Variants in ADCY8 observed in about 807,000 individuals in gnomAD.
ADCY8 encodes the protein adenylate cyclase type 8.
Under a neutral mutation model 119.7 loss-of-function variants are expected in ADCY8, and 51 were observed. That is an observed-to-expected ratio of 0.43 (90% CI 0.34 to 0.54). The LOEUF is 0.54. Ranked by LOEUF, ADCY8 falls within the 20% of genes least tolerant of loss-of-function variation. The pLI, the probability that ADCY8 is intolerant of heterozygous loss-of-function variation, is 0.03. For missense variants in ADCY8, 1,383 were observed against 1,598.8 expected (o/e 0.87, Z 2.30); for synonymous variants, 665 against 651.0 (o/e 1.02, Z -0.33).
At chr8:130,802,898 C>A (rs947063662) in intron 14 of ADCY8, among the ~76,000 whole-genome samples, 1 of 152,232 alleles carries the variant, frequency 6.6e-6, no homozygotes, top group Non-Finnish European at 1.5e-5. Context: ...CCGGCTCCCT[C>A]GCCCCTTGGG....
intron 14 of ADCY8, among the ~76,000 whole-genome samples, chr8:130,810,347 TAC>T (rs58781726): frequency 0.081 from 11,509 of 142,610 alleles, 526 homozygotes; most frequent in Non-Finnish European, 0.1. Flanking sequence ...TCTCTTTTTC[TAC>T]ACACACACAC....
intron 12 of ADCY8, among the ~76,000 whole-genome samples, chr8:130,823,353 G>A (rs887696020): frequency 6.6e-6 from 1 of 152,190 alleles, no homozygotes; most frequent in Non-Finnish European, 1.5e-5. Flanking sequence ...CATCAGAACT[G>A]TGGTTTGAAA....
At chr8:130,819,915 C>T (rs1816455775) in intron 13 of ADCY8, among the ~76,000 whole-genome samples, 1 of 152,338 alleles carries the variant, frequency 6.6e-6, no homozygotes, top group South Asian at 2.1e-4. Flanking sequence ...CGTATGCAGA[C>T]AGCATCTTTG....
chr8:130,789,996 C>A (rs1030791236), intron 15 of ADCY8, among the ~76,000 whole-genome samples: 4 of 152,118 alleles, frequency 2.6e-5, no homozygotes, highest in Non-Finnish European at 4.4e-5. Context: ...ATAGTCAAGT[C>A]ATTCATTCAT....
chr8:130,817,190 C>T (rs1323702960), intron 13 of ADCY8, among the ~76,000 whole-genome samples: 1 of 152,126 alleles, frequency 6.6e-6, no homozygotes, highest in East Asian at 1.9e-4. Flanking sequence ...GTGTTGGTGT[C>T]ATTAAAACTG....
chr8:130,833,193 G>A (rs1047265887), intron 12 of ADCY8, among the ~76,000 whole-genome samples: 10 of 152,100 alleles, frequency 6.6e-5, no homozygotes, highest in African/African-American at 1.4e-4. Context: ...ATTTAAAAGC[G>A]GTGCACACAG....
chr8:131,036,553 G>A (rs1824161862), intron 1 of ADCY8, among the ~76,000 whole-genome samples: 1 of 152,114 alleles, frequency 6.6e-6, no homozygotes, highest in Non-Finnish European at 1.5e-5. Context: ...CAACATCCTT[G>A]CCCTTATGGT....
chr8:130,961,170 C>T (rs1270418299), intron 2 of ADCY8, among the ~76,000 whole-genome samples: 2 of 152,034 alleles, frequency 1.3e-5, no homozygotes, highest in Non-Finnish European at 2.9e-5. Flanking sequence ...AATGCAGTGG[C>T]GAGATCTTGG....
At position 130,957,735 on chromosome 8, in the gene ADCY8, G is replaced by T. The variant is rs556439633; in HGVS notation, c.1111-5737C>A. On this transcript the variant is annotated intron_variant, in intron 2 of 17. Coordinates refer to ENST00000286355, the MANE Select transcript of ADCY8 (RefSeq NM_001115.3). ...GCCCTGTGTCCCAGCAGCTCTAGAT[G>T]TGGCTGAAAGGGGTCAATGTAGAGC... Among the ~76,000 whole-genome samples, 6 of 152,340 alleles carry T rather than the reference G, an allele frequency of 3.9e-5. No individual in the cohort carries two copies. In the East Asian group the frequency reaches 7.7e-4, roughly 20 times the overall value.
rs866835282 is a variant in ADCY8 at position 130,931,275 on chromosome 8, G to T, written c.1481+5798C>A. 1.3e-4 allele frequency among the ~76,000 whole-genome samples: 20 copies of T among 152,250 alleles called. No homozygotes were observed. The Middle Eastern group carries it at 0.017, about 129-fold the overall frequency. ...TGAATATGTCTCCCACTTTCTCCTA[G>T]CCTGTAAGGTTTCTGCTGAGGATTC... On this transcript the variant is annotated intron_variant, in intron 5 of 17. Transcript: ENST00000286355.
chr8:130,997,317 CTGTG>C (rs1822810863), intron 1 of ADCY8, among the ~76,000 whole-genome samples: 1 of 151,974 alleles, frequency 6.6e-6, no homozygotes, highest in African/African-American at 2.4e-5. Flanking sequence ...ATGTGTGTAT[CTGTG>C]TGTGTACTGA....
chr8:130,867,857 A>T lies in ADCY8; in HGVS notation c.2199T>A (p.Leu733=). 6.2e-7 allele frequency: 1 copy of T among 1,609,632 alleles called. No individual in the cohort carries two copies. The highest frequency in any genetic ancestry group is 1.1e-5 in the South Asian group (1 of 90,498). Residue 733 remains leucine, a synonymous_variant, in exon 9 of 18, where the codon CTT becomes CTA. Transcript: ENST00000286355. The part of the protein sequence containing the change: ...LLFITAIQSL[L]PSSRVMPMTI... ...TCTTTTACATTTACCTTGAAGAAGG[A>T]AGCAAACTTTGTATTGCCGTGATAA...
At chr8:131,010,679 A>G (rs1388900513) in intron 1 of ADCY8, among the ~76,000 whole-genome samples, 1 of 152,234 alleles carries the variant, frequency 6.6e-6, no homozygotes, top group Non-Finnish European at 1.5e-5. Flanking sequence ...TGGAGTGAGA[A>G]GATGAGGATC....
At chr8:130,966,479 A>C (rs1192691692) in intron 2 of ADCY8, among the ~76,000 whole-genome samples, 1 of 152,226 alleles carries the variant, frequency 6.6e-6, no homozygotes, top group Non-Finnish European at 1.5e-5. Context: ...AGGGCAGGGC[A>C]GGAAATAAAT....
At chr8:131,036,001 C>T (rs1401409721) in intron 1 of ADCY8, among the ~76,000 whole-genome samples, 1 of 152,124 alleles carries the variant, frequency 6.6e-6, no homozygotes, top group African/African-American at 2.4e-5. Flanking sequence ...GTTTATTTAA[C>T]TCTCTTAAGT....
Position 130,784,224 on chromosome 8 carries a change from A to G in ADCY8, c.3154-419T>C, listed in dbSNP as rs1418723482. On this transcript the variant is annotated intron_variant, in intron 16 of 17. Transcript: ENST00000286355. ...TATGGGTATATGTGTGGGTATGGGT[A>G]TGTGTGTGTATATGTGCTCTTATGT... is the stretch of plus-strand genomic sequence containing the variant. Among the ~76,000 whole-genome samples, 5 of 147,212 alleles carry G rather than the reference A, an allele frequency of 3.4e-5. No individual in the cohort carries two copies. In the Admixed American group the frequency reaches 3.5e-4, roughly 10 times the overall value.
intron 11 of ADCY8, among the ~76,000 whole-genome samples, chr8:130,845,109 AC>A (rs1467798229): frequency 6.6e-6 from 1 of 152,186 alleles, no homozygotes; most frequent in Non-Finnish European, 1.5e-5. Context: ...GGAAGGCCCT[AC>A]TTTTATCCCC....
intron 2 of ADCY8, among the ~76,000 whole-genome samples, chr8:130,954,262 A>G (rs141604656): frequency 6.6e-6 from 1 of 152,368 alleles, no homozygotes. Flanking sequence ...CACAGGAGAT[A>G]AAAAGGTGGT....
chr8:130,786,420 A>G (rs899488692), intron 15 of ADCY8, among the ~76,000 whole-genome samples: 2 of 152,190 alleles, frequency 1.3e-5, no homozygotes, highest in Non-Finnish European at 2.9e-5. Context: ...CCAGGCCCCA[A>G]AGATGCCTGT....
Sources: allele counts gnomAD v4.1 joint callset (sites outside exome capture counted in the v4.1 genomes callset), GRCh38; gene constraint gnomAD v4.1.1; transcripts MANE v1.5; gene names NCBI Gene and HGNC (gene_info 2026-07-23, HGNC 2026-07-21).